The following KCNJ6 variants were observed in gnomAD, a reference collection of about 807,000 sequenced individuals.
KCNJ6 encodes potassium inwardly rectifying channel subfamily J member 6.
In KCNJ6, 9 loss-of-function variants were observed where a neutral mutation model predicts 34.2. The ratio of observed to expected loss-of-function variants is 0.26; its 90% CI spans 0.16 to 0.46. The LOEUF is 0.46. Ranked by LOEUF, KCNJ6 falls within the 20% of genes least tolerant of loss-of-function variation. The probability of loss-of-function intolerance (pLI) is 1.00; values close to 1 mark genes in which losing one functional copy is unlikely to be tolerated. For missense variants in KCNJ6, 236 were observed against 531.3 expected (o/e 0.44, Z 5.46); for synonymous variants, 196 against 207.1 (o/e 0.95, Z 0.46).
At chr21:37,863,967 T>G (rs2055608951) in intron 1 of KCNJ6, among the ~76,000 whole-genome samples, 1 of 147,570 alleles carries the variant, frequency 6.8e-6, no homozygotes, top group South Asian at 2.2e-4. Context: ...GGAAAGACCA[T>G]ATGAAAATAT....
At chr21:37,785,286 A>G (rs926701834) in intron 2 of KCNJ6, among the ~76,000 whole-genome samples, 1 of 152,222 alleles carries the variant, frequency 6.6e-6, no homozygotes, top group Non-Finnish European at 1.5e-5. Context: ...AACTTCCACA[A>G]GTGAGTTCTG....
rs2123347295 is a variant in KCNJ6 at position 37,610,741 on chromosome 21, A to G, written c.*14418T>C. 1 of 152,268 alleles carries G rather than the reference A, an allele frequency of 6.6e-6. No homozygotes were observed. The highest frequency in any genetic ancestry group is 2.1e-4 in the South Asian group (1 of 4,820). The allele number at this position is 152,268 out of a possible 1,614,324, so 9.4% of individuals were successfully genotyped here. On this transcript the variant is annotated 3_prime_UTR_variant, in exon 4 of 4. Coordinates refer to ENST00000609713, the MANE Select transcript of KCNJ6 (RefSeq NM_002240.5). The stretch of plus-strand genomic sequence containing the variant: ...GAGATTAAACAACACACGTGTAAAT[A>G]TCATGGGTCAAAGAAGAAATCTCAA...
At chr21:37,784,444 A>C (rs2055183818) in intron 2 of KCNJ6, among the ~76,000 whole-genome samples, 1 of 152,212 alleles carries the variant, frequency 6.6e-6, no homozygotes, top group Admixed American at 6.5e-5. Flanking sequence ...AGTGGGTTGT[A>C]CATTGTCCCC....
intron 2 of KCNJ6, among the ~76,000 whole-genome samples, chr21:37,716,015 TTGTTA>T (rs2054788777): frequency 6.6e-6 from 1 of 152,220 alleles, no homozygotes; most frequent in African/African-American, 2.4e-5. Context: ...ACTCACAGTG[TTGTTA>T]TAAGGTTAAA....
At chr21:37,739,981 A>G (rs2054932372) in intron 2 of KCNJ6, among the ~76,000 whole-genome samples, 1 of 151,206 alleles carries the variant, frequency 6.6e-6, no homozygotes, top group South Asian at 2.1e-4. Context: ...GCTTTGAAGC[A>G]CCTGTGGCAA....
intron 2 of KCNJ6, among the ~76,000 whole-genome samples, chr21:37,795,726 C>T (rs1200320050): frequency 2.0e-5 from 3 of 147,066 alleles, no homozygotes; most frequent in African/African-American, 5.1e-5. Context: ...AAGAGGGAAA[C>T]TCCGTCTCAA....
intron 2 of KCNJ6, among the ~76,000 whole-genome samples, chr21:37,729,486 G>A (rs2054873107): frequency 6.6e-6 from 1 of 152,144 alleles, no homozygotes; most frequent in South Asian, 2.1e-4. Context: ...ACCATGCCTA[G>A]CTAATTTTTG....
intron 3 of KCNJ6, among the ~76,000 whole-genome samples, chr21:37,646,150 A>G (rs980025432): frequency 2.6e-5 from 4 of 152,214 alleles, no homozygotes; most frequent in Non-Finnish European, 5.9e-5. Flanking sequence ...AAGTGTATAT[A>G]TCAACGGATC....
chr21:37,642,331 G>C (rs1569435772), intron 3 of KCNJ6, among the ~76,000 whole-genome samples: 1 of 152,170 alleles, frequency 6.6e-6, no homozygotes, highest in Non-Finnish European at 1.5e-5. Context: ...CCAGGATGTT[G>C]AAAGAGAGAG....
At chr21:37,839,502 A>G (rs2055468333) in intron 2 of KCNJ6, among the ~76,000 whole-genome samples, 1 of 152,212 alleles carries the variant, frequency 6.6e-6, no homozygotes, top group Non-Finnish European at 1.5e-5. Flanking sequence ...ACAGAGGAAG[A>G]CCTGTATTTA....
chr21:37,775,808 G>A (rs1225467563), intron 2 of KCNJ6, among the ~76,000 whole-genome samples: 1 of 151,814 alleles, frequency 6.6e-6, no homozygotes, highest in Non-Finnish European at 1.5e-5. Flanking sequence ...TTGTTCTTTT[G>A]GCTTAGGATT....
intron 1 of KCNJ6, among the ~76,000 whole-genome samples, chr21:37,879,857 T>C (rs1367931038): frequency 6.6e-6 from 1 of 151,888 alleles, no homozygotes; most frequent in Non-Finnish European, 1.5e-5. Flanking sequence ...GAATCTTGGA[T>C]TTGAAGGTGG....
intron 3 of KCNJ6, among the ~76,000 whole-genome samples, chr21:37,685,662 C>G (rs1289021826): frequency 1.1e-5 from 1 of 88,150 alleles, no homozygotes; most frequent in African/African-American, 4.2e-5. Context: ...GCCTGGGCGA[C>G]AGAGTGAGAC....
At chr21:37,823,844 G>C (rs2055385815) in intron 2 of KCNJ6, among the ~76,000 whole-genome samples, 1 of 63,232 alleles carries the variant, frequency 1.6e-5, no homozygotes, top group Admixed American at 1.7e-4. Context: ...GGGAGATGTT[G>C]GTCAAAGAAC....
At chr21:37,763,994 C>G (rs13051441) in intron 2 of KCNJ6, among the ~76,000 whole-genome samples, 1 of 151,516 alleles carries the variant, frequency 6.6e-6, no homozygotes, top group Non-Finnish European at 1.5e-5. Flanking sequence ...ACTCATCTCA[C>G]ATATCTACAT....
chr21:37,723,409 C>T (rs539299072), intron 2 of KCNJ6, among the ~76,000 whole-genome samples: 1 of 152,260 alleles, frequency 6.6e-6, no homozygotes, highest in East Asian at 1.9e-4. Flanking sequence ...CCCAGCAATC[C>T]CACTACTGAA....
At chr21:37,865,459 G>C (rs974847746) in intron 1 of KCNJ6, among the ~76,000 whole-genome samples, 3 of 152,210 alleles carry the variant, frequency 2.0e-5, no homozygotes, top group Admixed American at 6.5e-5. Context: ...CTGGCTGGAG[G>C]GGGAGGCAGG....
chr21:37,726,673 T>A (rs1197183534), intron 2 of KCNJ6, among the ~76,000 whole-genome samples: 1 of 152,238 alleles, frequency 6.6e-6, no homozygotes, highest in Admixed American at 6.5e-5. Flanking sequence ...GAGTTGTAAG[T>A]TTCTGTGGGT....
intron 2 of KCNJ6, among the ~76,000 whole-genome samples, chr21:37,781,750 A>G (rs1160591342): frequency 6.6e-6 from 1 of 152,180 alleles, no homozygotes; most frequent in East Asian, 1.9e-4. Context: ...TTAGGTCAAG[A>G]TTCTGTGGCC....
Sources: gnomAD v4.1 joint callset for allele counts (sites outside exome capture counted in the v4.1 genomes callset) on GRCh38, gnomAD v4.1.1 for gene constraint, MANE v1.5 for transcripts, NCBI Gene and HGNC (gene_info 2026-07-23, HGNC 2026-07-21) for gene names.